MECOM: variants seen among roughly 807,000 people sequenced by gnomAD.
MECOM encodes MDS1 and EVI1 complex locus, also known as histone-lysine N-methyltransferase MECOM.
A neutral mutation model predicts 116.3 loss-of-function variants in MECOM; 13 were observed. That is an observed-to-expected ratio of 0.11 (90% confidence interval 0.07 to 0.18). MECOM has a LOEUF of 0.18. MECOM is among the 10% of genes least tolerant of loss of function. The pLI, the probability that MECOM is intolerant of heterozygous loss-of-function variation, is 1.00. For synonymous variants in MECOM, 528 were observed against 535.2 expected (o/e 0.99, Z 0.19); for missense variants, 1,299 against 1,509.0 (o/e 0.86, Z 2.31).
intron 2 of MECOM, among the ~76,000 whole-genome samples, chr3:169,278,707 T>G (rs761097837): frequency 3.9e-4 from 59 of 152,222 alleles, no homozygotes; most frequent in Admixed American, 1.1e-3. Flanking sequence ...TAGAGCTGAA[T>G]AGTCAATGGA....
intron 1 of MECOM, among the ~76,000 whole-genome samples, chr3:169,486,350 T>A (rs993679188): frequency 6.6e-6 from 1 of 151,900 alleles, no homozygotes; most frequent in Non-Finnish European, 1.5e-5. Context: ...ATTCCAGGAA[T>A]GTTAAAAAAT....
chr3:169,242,589 T>C lies in MECOM; in HGVS notation c.376-98757A>G, dbSNP rs1577445398. Among the ~76,000 whole-genome samples, 3 of 152,036 alleles carry C rather than the reference T, an allele frequency of 2.0e-5. No individual in the cohort carries two copies. In the East Asian group the frequency reaches 5.8e-4, roughly 29 times the overall value. On this transcript the variant is annotated intron_variant, in intron 2 of 16. Coordinates refer to ENST00000651503, the MANE Select transcript of MECOM (RefSeq NM_004991.4). ...GCCAACCACAACATGCTACCCACCG[T>C]GAGAGAGCAGGACGCGGGCTGCTCT...
At chr3:169,111,803 A>G (rs1196408785) in intron 9 of MECOM, among the ~76,000 whole-genome samples, 1 of 152,080 alleles carries the variant, frequency 6.6e-6, no homozygotes, top group African/African-American at 2.4e-5. Context: ...AAAAGAGGTA[A>G]CAGAAAGGAA....
At chr3:169,470,919 A>G (rs575435480) in intron 1 of MECOM, among the ~76,000 whole-genome samples, 7 of 152,204 alleles carry the variant, frequency 4.6e-5, no homozygotes, top group African/African-American at 1.7e-4. Flanking sequence ...TTAAATGCCT[A>G]ATGTCCTTTT....
In MECOM at chr3:169,257,082, C is replaced by T. The variant is rs4089801; in HGVS notation, c.376-113250G>A. ...AAAAATGAGAATCCTGTTGGTTTTT[C>T]GAAAATACTGTAGTTTTTTAAAAAT... On this transcript the variant is annotated intron_variant, in intron 2 of 16. Transcript: ENST00000651503. 2.0e-4 allele frequency among the ~76,000 whole-genome samples: 30 copies of T among 151,946 alleles called. 1 individual carries two copies. The highest frequency in any genetic ancestry group is 2.8e-4 in the Non-Finnish European group (19 of 67,972).
At chr3:169,660,102 C>T (rs545834198) in intron 1 of MECOM, among the ~76,000 whole-genome samples, 1 of 152,224 alleles carries the variant, frequency 6.6e-6, no homozygotes, top group African/African-American at 2.4e-5. Context: ...GCTGCGCAGA[C>T]CCAACCTGCA....
At chr3:169,413,495 T>A (rs1177198847) in intron 1 of MECOM, among the ~76,000 whole-genome samples, 21 of 151,592 alleles carry the variant, frequency 1.4e-4, no homozygotes, top group Non-Finnish European at 2.4e-4. Flanking sequence ...TTTTTATTTT[T>A]TTTTTTGTAC....
In MECOM at chr3:169,425,108, C is replaced by CCA. The variant is rs397877353; in HGVS notation, c.38-43585_38-43584insTG. ...GTGTTCATTTGCAGAAACCCCCCCC[C>CCA]ACTTGCATGTGCCTCAGATAACCAG... On this transcript the variant is annotated intron_variant, in intron 1 of 16. Transcript: ENST00000651503. Among the ~76,000 whole-genome samples the CCA allele has an allele frequency of 6.0e-3, 904 of 150,790 alleles. 8 individuals carry two copies. Among genetic ancestry groups the CCA allele is most frequent in the African/African-American group, 0.021 (870 of 41,010 alleles).
chr3:169,538,349 C>T (rs1314978524), intron 1 of MECOM, among the ~76,000 whole-genome samples: 1 of 152,090 alleles, frequency 6.6e-6, no homozygotes, highest in Non-Finnish European at 1.5e-5. Flanking sequence ...AAAATTCTCT[C>T]CACACTATGA....
At chr3:169,366,294 T>G (rs911178198) in intron 2 of MECOM, among the ~76,000 whole-genome samples, 1 of 151,918 alleles carries the variant, frequency 6.6e-6, no homozygotes, top group African/African-American at 2.4e-5. Flanking sequence ...GAGCAGAAAT[T>G]TATATGTCAA....
intron 2 of MECOM, among the ~76,000 whole-genome samples, chr3:169,290,105 G>A (rs1482289644): frequency 6.6e-6 from 1 of 152,100 alleles, no homozygotes; most frequent in East Asian, 1.9e-4. Context: ...AAACAATAGT[G>A]TTGGAGAGAA....
chr3:169,336,616 A>G (rs1211637960), intron 2 of MECOM, among the ~76,000 whole-genome samples: 2 of 152,042 alleles, frequency 1.3e-5, no homozygotes, highest in Non-Finnish European at 2.9e-5. Flanking sequence ...AAGTTTTGTG[A>G]TGGGTTTCCA....
intron 16 of MECOM, 108 bp downstream of exon 16, chr3:169,088,892 G>T: frequency 9.7e-7 from 1 of 1,028,696 alleles, no homozygotes; most frequent in Non-Finnish European, 1.3e-6. Flanking sequence ...GACCCCATTT[G>T]GATTCTAAAA....
intron 2 of MECOM, among the ~76,000 whole-genome samples, chr3:169,207,377 G>A (rs189789208): frequency 6.6e-6 from 1 of 152,210 alleles, no homozygotes. Context: ...TAAGAGTTGA[G>A]GTTAAGCAGA....
At chr3:169,114,911 T>C (rs916936538) in intron 8 of MECOM, among the ~76,000 whole-genome samples, 1 of 152,164 alleles carries the variant, frequency 6.6e-6, no homozygotes, top group African/African-American at 2.4e-5. Context: ...CTGAGAGATT[T>C]ATTTAGAAAC....
In MECOM at chr3:169,552,133, A is replaced by G. The variant is rs115961743; in HGVS notation, c.37+111203T>C. 9.1e-3 allele frequency among the ~76,000 whole-genome samples: 1,171 copies of G among 129,176 alleles called. 26 individuals are homozygous for G. The highest frequency in any genetic ancestry group is 0.03 in the African/African-American group (1,119 of 37,366). The allele number at this position is 129,176 out of a possible 152,430, so 84.7% of individuals were successfully genotyped here. ...TGGTAATGCTTATACAACTTTGTGA[A>G]TATACTAAAAACCATGAAATTGTAT... On this transcript the variant is annotated intron_variant, in intron 1 of 16. Coordinates refer to ENST00000651503, the MANE Select transcript of MECOM (RefSeq NM_004991.4).
At chr3:169,626,721 C>T (rs1307996762) in intron 1 of MECOM, among the ~76,000 whole-genome samples, 1 of 152,180 alleles carries the variant, frequency 6.6e-6, no homozygotes, top group Non-Finnish European at 1.5e-5. Context: ...AGTGTTTCAT[C>T]CTTTACTTGA....
chr3:169,488,892 T>C (rs1752729722), intron 1 of MECOM, among the ~76,000 whole-genome samples: 1 of 151,754 alleles, frequency 6.6e-6, no homozygotes, highest in Middle Eastern at 3.4e-3. Flanking sequence ...ATGAGTCCAA[T>C]TCAAAAATTT....
At chr3:169,537,718 TAA>T (rs144260368) in intron 1 of MECOM, among the ~76,000 whole-genome samples, 29,897 of 142,608 alleles carry the variant, frequency 0.21, 4,090 homozygotes, top group East Asian at 0.64. Flanking sequence ...GCAGAACATT[TAA>T]AAAAAAAAAA....
Sources: allele counts gnomAD v4.1 joint callset (sites outside exome capture counted in the v4.1 genomes callset), GRCh38; gene constraint gnomAD v4.1.1; transcripts MANE v1.5; gene names NCBI Gene and HGNC (gene_info 2026-07-23, HGNC 2026-07-21).